Variants in TPO observed in about 807,000 individuals in gnomAD.
The protein encoded by TPO is thyroid peroxidase, also known as thyroid microsomal antigen.
TPO carries 78 observed loss-of-function variants against 96.9 expected under a neutral mutation model. The observed-to-expected ratio is 0.81, with a 90% CI of 0.67 to 0.97. TPO has a LOEUF of 0.97. TPO is among the 50% of genes least tolerant of loss of function. The pLI, the probability that TPO is intolerant of heterozygous loss-of-function variation, is 0.00. For missense variants in TPO, 1,252 were observed against 1,274.8 expected (o/e 0.98, Z 0.27); for synonymous variants, 547 against 538.0 (o/e 1.02, Z -0.23).
intron 5 of TPO, among the ~76,000 whole-genome samples, chr2:1,442,173 C>T (rs1239548440): frequency 9.2e-5 from 14 of 152,194 alleles, no homozygotes; most frequent in Admixed American, 9.2e-4. Flanking sequence ...CTTTTCTTCT[C>T]AGACTCAGGT....
chr2:1,468,297 G>T (rs1384784366), intron 7 of TPO, among the ~76,000 whole-genome samples: 1 of 151,992 alleles, frequency 6.6e-6, no homozygotes, highest in East Asian at 1.9e-4. Flanking sequence ...TGTTGTATAG[G>T]TCCTGTGAGA....
chr2:1,478,201 A>G, intron 8 of TPO: 5 of 985,412 alleles, frequency 5.1e-6, no homozygotes, highest in Non-Finnish European at 6.0e-6. Flanking sequence ...TCTTGAATGG[A>G]GAGTCAAGTT....
chr2:1,516,834 G>T lies in TPO; in HGVS notation c.2519-49G>T, dbSNP rs1385427342. The T allele has an allele frequency of 3.2e-6, 5 of 1,584,054 alleles. No homozygotes were observed. The Admixed American group carries it at 6.7e-5, about 21-fold the overall frequency. ...AGACTCAGGCAGGACAACCTGGCTT[G>T]CCCAGGCCCTGGAAGGTTCTTCTAA... is the stretch of plus-strand genomic sequence containing the variant. On this transcript the variant is annotated intron_variant, in intron 14 of 16. Transcript: ENST00000329066.
At chr2:1,507,350 T>C (rs1673580036) in intron 14 of TPO, among the ~76,000 whole-genome samples, 1 of 152,214 alleles carries the variant, frequency 6.6e-6, no homozygotes, top group Non-Finnish European at 1.5e-5. Flanking sequence ...TGGCTTAGGA[T>C]TGACTTGGCA....
At chr2:1,449,758 T>C (rs1409495877) in intron 5 of TPO, among the ~76,000 whole-genome samples, 1 of 152,168 alleles carries the variant, frequency 6.6e-6, no homozygotes, top group African/African-American at 2.4e-5. Context: ...GTATAAACAA[T>C]GCCAGAATAA....
intron 7 of TPO, among the ~76,000 whole-genome samples, chr2:1,461,898 G>A (rs925857668): frequency 3.9e-5 from 6 of 152,198 alleles, no homozygotes; most frequent in East Asian, 1.9e-4. Flanking sequence ...TGTGATGCCC[G>A]TGGAGACCCC....
chr2:1,422,485 C>T (rs1663858635), intron 2 of TPO, among the ~76,000 whole-genome samples: 1 of 141,782 alleles, frequency 7.1e-6, no homozygotes, highest in Non-Finnish European at 1.6e-5. Context: ...AGTATTGATG[C>T]TACGCAGGTG....
At chr2:1,411,077 G>A (rs536178578), upstream of TPO, among the ~76,000 whole-genome samples, 12 of 152,004 alleles carry the variant, frequency 7.9e-5, no homozygotes, top group East Asian at 1.9e-3. Flanking sequence ...CAAGTCCCCC[G>A]TCTTCTTTCT....
intron 7 of TPO, among the ~76,000 whole-genome samples, chr2:1,467,365 A>G (rs1260397712): frequency 6.6e-6 from 1 of 152,084 alleles, no homozygotes; most frequent in Non-Finnish European, 1.5e-5. Context: ...CAGCCTCCCA[A>G]AGCGCTGGGA....
In TPO at chr2:1,456,195, A is replaced by G. The variant is rs762270310; in HGVS notation, c.732A>G (p.Thr244=). The G allele has an allele frequency of 1.2e-6, 2 of 1,614,130 alleles. No individual in the cohort carries two copies. Among genetic ancestry groups the G allele is most frequent in the East Asian group, 2.2e-5 (1 of 44,888 alleles). The change falls in exon 7 of 17, where the codon ACA becomes ACG. Residue 244 remains threonine, a synonymous_variant. Transcript: ENST00000329066. ...GQYIDHDIAF[T]PQSTSKAAFG... ...ACATCGACCACGACATCGCGTTCAC[A>G]CCACAGAGCACCAGCAAAGCTGCCT...
At position 1,484,674 on chromosome 2, in the gene TPO, T is replaced by C; in HGVS notation, c.1417T>C (p.Tyr473His). 1.9e-6 allele frequency: 3 copies of C among 1,614,138 alleles called. No individual in the cohort carries two copies. Among genetic ancestry groups the C allele is most frequent in the Non-Finnish European group, 2.5e-6 (3 of 1,180,036 alleles). Residue 473 changes from tyrosine (Y) to histidine (H), a missense_variant, in exon 9 of 17, where the codon TAT (tyrosine) becomes CAT (histidine). Coordinates refer to ENST00000329066, the MANE Select transcript of TPO (RefSeq NM_001206744.2). ...GCAGTACGTGGGTCCCTATGAAGGC[T>C]ATGACTCCACCGCCAACCCCACTGT... ...FQQYVGPYEG[Y>H]DSTANPTVSN...
chr2:1,421,332 C>T (rs528818396), intron 2 of TPO, among the ~76,000 whole-genome samples: 4 of 152,332 alleles, frequency 2.6e-5, no homozygotes, highest in Non-Finnish European at 4.4e-5. Flanking sequence ...AGCACACTTG[C>T]GAGGCCCTCG....
At chr2:1,488,983 T>C (rs371530527) in intron 10 of TPO, among the ~76,000 whole-genome samples, 4 of 152,324 alleles carry the variant, frequency 2.6e-5, no homozygotes, top group South Asian at 2.1e-4. Context: ...ACAGCTGCTT[T>C]CTTGTTGCCA....
At chr2:1,444,013 G>A (rs953798385) in intron 5 of TPO, among the ~76,000 whole-genome samples, 6 of 143,182 alleles carry the variant, frequency 4.2e-5, no homozygotes, top group Non-Finnish European at 9.0e-5. Context: ...GCTGCAGGAG[G>A]CACCATGTTG....
intron 15 of TPO, among the ~76,000 whole-genome samples, chr2:1,533,902 TCTC>T (rs1292148026): frequency 1.0e-4 from 8 of 79,244 alleles, no homozygotes; most frequent in Non-Finnish European, 4.9e-5. Context: ...CCTCCCCAGA[TCTC>T]CTTTCTGTGC....
chr2:1,383,442 A>G (rs972808152), intron 1 of TPO, among the ~76,000 whole-genome samples: 4 of 152,118 alleles, frequency 2.6e-5, no homozygotes, highest in East Asian at 3.9e-4. Flanking sequence ...ATGATATCTC[A>G]TTGTGGTTTT....
chr2:1,503,702 G>C (rs1673103090), intron 13 of TPO: 1 of 712,570 alleles, frequency 1.4e-6, no homozygotes, highest in South Asian at 1.5e-5. Context: ...ACTCGGGCCT[G>C]AGTGAGCCCC....
chr2:1,458,322 GATA>G (rs1328747583), intron 7 of TPO, among the ~76,000 whole-genome samples: 1 of 151,928 alleles, frequency 6.6e-6, no homozygotes, highest in East Asian at 1.9e-4. Context: ...TAGTATATAA[GATA>G]ATATGCGGAC....
chr2:1,493,796 GT>G lies in TPO; in HGVS notation c.1769-5del. ...AGAGAAACCCTGCAGCCTCTCCCCT[GT>G]GCAGGTTACAATGAGTGGAGGGAGT... On this transcript the variant is annotated splice_polypyrimidine_tract_variant and splice_region_variant and intron_variant, in intron 10 of 16. Transcript: ENST00000329066. The G allele has an allele frequency of 6.2e-7, 1 of 1,613,950 alleles. No homozygotes were observed. Among genetic ancestry groups the G allele is most frequent in the Non-Finnish European group, 8.5e-7 (1 of 1,179,848 alleles).
Sources: allele counts gnomAD v4.1 joint callset (sites outside exome capture counted in the v4.1 genomes callset), GRCh38; gene constraint gnomAD v4.1.1; transcripts MANE v1.5; gene names NCBI Gene and HGNC (gene_info 2026-07-23, HGNC 2026-07-21).